Variants in DGKB observed in about 807,000 individuals in gnomAD.
DGKB encodes diacylglycerol kinase beta.
DGKB carries 67 observed loss-of-function variants against 114.3 expected under a neutral mutation model. The observed-to-expected ratio is 0.59, with a 90% CI of 0.48 to 0.72. DGKB has a LOEUF of 0.72. Ranked by LOEUF, DGKB falls within the 30% of genes least tolerant of loss-of-function variation. The pLI, the probability that DGKB is intolerant of heterozygous loss-of-function variation, is 0.00. For missense variants in DGKB, 907 were observed against 975.2 expected (o/e 0.93, Z 0.93); for synonymous variants, 398 against 323.1 (o/e 1.23, Z -2.49).
intron 17 of DGKB, among the ~76,000 whole-genome samples, chr7:14,605,071 G>C (rs1804231944): frequency 6.6e-6 from 1 of 151,994 alleles, no homozygotes; most frequent in African/African-American, 2.4e-5. Flanking sequence ...AAAAATATTT[G>C]AACACACTTT....
intron 17 of DGKB, among the ~76,000 whole-genome samples, chr7:14,584,067 G>C (rs1348602560): frequency 2.0e-5 from 3 of 152,104 alleles, no homozygotes; most frequent in Admixed American, 6.6e-5. Context: ...ATAAAACTGT[G>C]CTATACATAC....
intron 23 of DGKB, among the ~76,000 whole-genome samples, chr7:14,222,870 T>G (rs1478996379): frequency 6.6e-6 from 1 of 151,664 alleles, no homozygotes; most frequent in Non-Finnish European, 1.5e-5. Context: ...TATATCCTAC[T>G]GAAGGATTGA....
At chr7:14,161,494 T>G (rs1442721318) in intron 25 of DGKB, among the ~76,000 whole-genome samples, 1 of 150,764 alleles carries the variant, frequency 6.6e-6, no homozygotes, top group Non-Finnish European at 1.5e-5. Flanking sequence ...TAAAAAAGGA[T>G]GAATGAGTTC....
chr7:14,582,295 A>C (rs2128725854), intron 18 of DGKB, among the ~76,000 whole-genome samples: 1 of 152,342 alleles, frequency 6.6e-6, no homozygotes, highest in Admixed American at 6.5e-5. Flanking sequence ...ACAACTGACT[A>C]GATCTGAAAA....
chr7:14,901,613 C>A (rs1307801057), intron 1 of DGKB, among the ~76,000 whole-genome samples: 2 of 143,264 alleles, frequency 1.4e-5, no homozygotes, highest in Non-Finnish European at 3.0e-5. Flanking sequence ...CCACCCCCCC[C>A]CACCCCCCAC....
At chr7:14,715,013 A>G (rs1827964659) in intron 6 of DGKB, among the ~76,000 whole-genome samples, 1 of 152,160 alleles carries the variant, frequency 6.6e-6, no homozygotes, top group South Asian at 2.1e-4. Flanking sequence ...TCTAATCCTC[A>G]TAGTTATCCC....
chr7:14,491,286 G>C (rs1045710178), intron 20 of DGKB, among the ~76,000 whole-genome samples: 5 of 151,874 alleles, frequency 3.3e-5, no homozygotes, highest in Non-Finnish European at 7.4e-5. Flanking sequence ...GTTTTTTAAG[G>C]GGAAACTCCT....
At chr7:14,534,976 G>A (rs1320043686) in intron 20 of DGKB, among the ~76,000 whole-genome samples, 2 of 152,054 alleles carry the variant, frequency 1.3e-5, no homozygotes, top group Non-Finnish European at 1.5e-5. Flanking sequence ...GGAAATTAGA[G>A]AATATCATGA....
chr7:14,559,174 A>T (rs1217310417), intron 20 of DGKB, among the ~76,000 whole-genome samples: 1 of 152,224 alleles, frequency 6.6e-6, no homozygotes, highest in Non-Finnish European at 1.5e-5. Flanking sequence ...TTTTCTTAGC[A>T]TATAGACTTT....
intron 21 of DGKB, among the ~76,000 whole-genome samples, chr7:14,359,097 A>T (rs1458839753): frequency 2.0e-5 from 3 of 150,244 alleles, no homozygotes; most frequent in Non-Finnish European, 4.4e-5. Context: ...CTGGTACCAA[A>T]ACAGATATAT....
At chr7:14,513,950 A>G (rs746760263) in intron 20 of DGKB, among the ~76,000 whole-genome samples, 37 of 152,056 alleles carry the variant, frequency 2.4e-4, no homozygotes, top group Non-Finnish European at 4.9e-4. Flanking sequence ...GTCTACTGAC[A>G]TTTCTAGCAT....
Position 14,208,795 on chromosome 7 carries a change from C to T in DGKB, c.2123-30644G>A, listed in dbSNP as rs1050688812. On this transcript the variant is annotated intron_variant, in intron 23 of 25. Transcript: ENST00000402815. ...AGCTTGATTCTTTATTCACTGAAAA[C>T]ACAGCTAGTGTTTTTTCAGTCCTAT... Among the ~76,000 whole-genome samples, 8 of 151,766 alleles carry T rather than the reference C, an allele frequency of 5.3e-5. No homozygotes were observed. In the East Asian group the frequency reaches 5.8e-4, roughly 11 times the overall value.
intron 25 of DGKB, among the ~76,000 whole-genome samples, chr7:14,167,931 T>C (rs1315612110): frequency 6.6e-6 from 1 of 152,146 alleles, no homozygotes; most frequent in Non-Finnish European, 1.5e-5. Flanking sequence ...TCTCAAGATA[T>C]GAATCACAGA....
At chr7:14,367,401 T>C (rs887130539) in intron 21 of DGKB, among the ~76,000 whole-genome samples, 2 of 151,834 alleles carry the variant, frequency 1.3e-5, no homozygotes. Flanking sequence ...GATCTGATGG[T>C]TTCATAAAGG....
At chr7:14,409,861 T>C (rs1441810041) in intron 21 of DGKB, among the ~76,000 whole-genome samples, 2 of 152,164 alleles carry the variant, frequency 1.3e-5, no homozygotes, top group East Asian at 1.9e-4. Flanking sequence ...CTCCTCCTTA[T>C]GATTTTCTTA....
chr7:14,783,588 A>G (rs1839435664), intron 2 of DGKB, among the ~76,000 whole-genome samples: 1 of 152,222 alleles, frequency 6.6e-6, no homozygotes, highest in African/African-American at 2.4e-5. Context: ...GGTCATTTCT[A>G]TCTCAATAAA....
chr7:14,689,811 A>C (rs1822495572), intron 9 of DGKB, among the ~76,000 whole-genome samples: 1 of 152,220 alleles, frequency 6.6e-6, no homozygotes, highest in African/African-American at 2.4e-5. Flanking sequence ...ATCAGCTCCC[A>C]AAATATAATA....
At chr7:14,279,053 G>A (rs1346638434) in intron 23 of DGKB, among the ~76,000 whole-genome samples, 2 of 152,190 alleles carry the variant, frequency 1.3e-5, no homozygotes, top group East Asian at 3.9e-4. Flanking sequence ...GCAGGGCGAG[G>A]CATTGCCTCA....
intron 1 of DGKB, among the ~76,000 whole-genome samples, chr7:14,918,630 G>C (rs1257527367): frequency 1.3e-5 from 2 of 152,082 alleles, no homozygotes; most frequent in Non-Finnish European, 2.9e-5. Flanking sequence ...TAAATAGAAA[G>C]ATGTTTCATA....
Sources: allele counts gnomAD v4.1 joint callset (sites outside exome capture counted in the v4.1 genomes callset), GRCh38; gene constraint gnomAD v4.1.1; transcripts MANE v1.5; gene names NCBI Gene and HGNC (gene_info 2026-07-23, HGNC 2026-07-21).